The following SLC25A53 variants were observed in gnomAD, a reference collection of about 807,000 sequenced individuals.
The protein encoded by SLC25A53 is solute carrier family 25 member 53.
A neutral mutation model predicts 15.0 loss-of-function variants in SLC25A53; 5 were observed. The ratio of observed to expected loss-of-function variants is 0.33; its 90% confidence interval spans 0.17 to 0.70. The LOEUF (loss-of-function observed/expected upper bound fraction) is 0.70. Among genes scored for constraint, SLC25A53 ranks in the 30% least tolerant of loss-of-function variants. The pLI, the probability that SLC25A53 is intolerant of heterozygous loss-of-function variation, is 0.67. For missense variants in SLC25A53, 216 were observed against 241.6 expected (o/e 0.89, Z 0.70); for synonymous variants, 95 against 100.0 (o/e 0.95, Z 0.30).
At chrX:104,117,972 C>CA (rs372352091) in intron 1 of SLC25A53, among the ~76,000 whole-genome samples, 3 of 111,518 alleles carry the variant, frequency 2.7e-5, no homozygotes, top group African/African-American at 9.8e-5. Flanking sequence ...CCTTCCCCCC[C>CA]ATCCTGTCCT....
Position 104,104,430 on chromosome X carries a change from G to A in SLC25A53, c.828C>T (p.Val276=). 8.3e-7 allele frequency: 1 copy of A among 1,211,850 alleles called. No individual in the cohort carries two copies. Among genetic ancestry groups the A allele is most frequent in the Non-Finnish European group, 1.1e-6 (1 of 895,385 alleles). The part of the protein sequence containing the change: ...LLLIYRGGSL[V]ILRSSVTWGL... ...CCCATGTCACACTGGACCTTAGGAT[G>A]ACTAGGGAGCCTCCACGGTAGATCA... is the stretch of plus-strand genomic sequence containing the variant. Residue 276 remains valine, a synonymous_variant, in exon 2 of 2, where the codon GTC becomes GTT. Coordinates refer to ENST00000594199, the MANE Select transcript of SLC25A53 (RefSeq NM_001012755.5).
At chrX:104,115,465 A>T in intron 1 of SLC25A53, 1 of 544,144 alleles carries the variant, frequency 1.8e-6, no homozygotes, top group Non-Finnish European at 3.0e-6. Flanking sequence ...GGTCTTGCAT[A>T]CCAGCACAGT....
chrX:104,143,295 GAACTC>G, intron 1 of SLC25A53, among the ~76,000 whole-genome samples: 1 of 111,178 alleles, frequency 9.0e-6, no homozygotes, highest in African/African-American at 3.3e-5. Context: ...GGGTAATAAC[GAACTC>G]CTCCAAGCTA....
At position 104,100,758 on chromosome X, in the gene SLC25A53, A is replaced by G. The variant is rs1209515926; in HGVS notation, c.*3576T>C. On this transcript the variant is annotated 3_prime_UTR_variant, in exon 2 of 2. Coordinates refer to ENST00000594199, the MANE Select transcript of SLC25A53 (RefSeq NM_001012755.5). ...TATTAGCAATTTAGCTTTAAAATAT[A>G]CTCCGAGGGGAAAATACCCAAACTT... 1 of 112,290 alleles carries G rather than the reference A, an allele frequency of 8.9e-6. No homozygotes were observed. The highest frequency in any genetic ancestry group is 1.9e-5 in the Non-Finnish European group (1 of 53,317). The allele number at this position is 112,290 out of a possible 1,213,427, so 9.3% of individuals were successfully genotyped here. A position where few individuals can be genotyped will look rare whatever the true frequency, so the allele number is the denominator to read the frequency against.
intron 1 of SLC25A53, among the ~76,000 whole-genome samples, chrX:104,123,990 CT>C (rs1312627232): frequency 6.3e-5 from 7 of 111,663 alleles, no homozygotes; most frequent in Middle Eastern, 4.6e-3. Context: ...AGTTCCAAGT[CT>C]TTGCTATTGT....
At chrX:104,114,129 G>C (rs782415322) in intron 1 of SLC25A53, 37 of 1,209,742 alleles carry the variant, frequency 3.1e-5, no homozygotes, top group Non-Finnish European at 3.8e-5. Flanking sequence ...GCATCACTGC[G>C]TGTGTGGGTA....
In SLC25A53 at chrX:104,144,967, G is replaced by A. The variant is rs1190057758; in HGVS notation, c.-32+11911C>T. Reference sequence around the variant, plus strand: ...AGCTCTGGACCAAGCAGGGCTAACAGACATCTACAGAACTCTCCACCCCAA... The same window carrying A: ...AGCTCTGGACCAAGCAGGGCTAACAAACATCTACAGAACTCTCCACCCCAA... On this transcript the variant is annotated intron_variant, in intron 1 of 1. Coordinates refer to ENST00000594199, the MANE Select transcript of SLC25A53 (RefSeq NM_001012755.5). Among the ~76,000 whole-genome samples the A allele has an allele frequency of 3.6e-5, 4 of 111,869 alleles. No homozygotes were observed. The South Asian group carries it at 1.5e-3, about 42-fold the overall frequency.
chrX:104,114,984 T>C, intron 1 of SLC25A53: 1 of 1,193,104 alleles, frequency 8.4e-7, no homozygotes, highest in South Asian at 1.8e-5. Context: ...CACTGACACC[T>C]ACAGGTGCCC....
intron 1 of SLC25A53, among the ~76,000 whole-genome samples, chrX:104,133,269 C>T (rs1379146358): frequency 9.0e-6 from 1 of 111,449 alleles, no homozygotes; most frequent in Non-Finnish European, 1.9e-5. Context: ...GAAGACTGAC[C>T]CTGAGATGAC....
intron 1 of SLC25A53, chrX:104,112,036 G>C (rs2075347827): frequency 9.0e-6 from 1 of 111,668 alleles, no homozygotes; most frequent in African/African-American, 3.3e-5. Context: ...TGTACTGCCT[G>C]GGTGCTTCAG....
At chrX:104,147,461 T>C (rs782742562) in intron 1 of SLC25A53, among the ~76,000 whole-genome samples, 3 of 109,576 alleles carry the variant, frequency 2.7e-5, no homozygotes, top group South Asian at 4.0e-4. Flanking sequence ...GGATCTAATT[T>C]AACTAAAGAG....
intron 1 of SLC25A53, among the ~76,000 whole-genome samples, chrX:104,111,256 C>G (rs1447779111): frequency 2.7e-5 from 3 of 111,853 alleles, no homozygotes; most frequent in Non-Finnish European, 5.6e-5. Flanking sequence ...GGGTAAGGCC[C>G]AATAATCTAC....
At chrX:104,144,320 C>A (rs2075459554) in intron 1 of SLC25A53, among the ~76,000 whole-genome samples, 1 of 111,801 alleles carries the variant, frequency 8.9e-6, no homozygotes, top group African/African-American at 3.3e-5. Context: ...GATAAAGAGC[C>A]AAGACCCATC....
At chrX:104,144,250 T>C (rs986028696) in intron 1 of SLC25A53, among the ~76,000 whole-genome samples, 2 of 111,901 alleles carry the variant, frequency 1.8e-5, no homozygotes, top group Admixed American at 9.5e-5. Flanking sequence ...CATATAACAA[T>C]ATTAACCTTG....
intron 1 of SLC25A53, among the ~76,000 whole-genome samples, chrX:104,139,763 G>A (rs1447577042): frequency 8.1e-5 from 9 of 111,261 alleles, no homozygotes; most frequent in Admixed American, 6.6e-4. Flanking sequence ...GCAGTGAGCC[G>A]AGATTGTGCC....
In SLC25A53 at chrX:104,101,465, A is replaced by G. The variant is rs178123; in HGVS notation, c.*2869T>C. 0.37 allele frequency: 41,603 copies of G among 111,012 alleles called. 5,672 individuals carry two copies. The highest frequency in any genetic ancestry group is 0.53 in the Admixed American group (5,580 of 10,499). 9.1% of individuals were successfully genotyped at this position (111,012 alleles called of 1,213,427 possible). A position where few individuals can be genotyped will look rare whatever the true frequency, so the allele number is the denominator to read the frequency against. ...CTAGTTCCCATCCTGAAGCAACCAG[A>G]GGCTGCCAGCCATCAGTCAATTATT... On this transcript the variant is annotated 3_prime_UTR_variant, in exon 2 of 2. Transcript: ENST00000594199.
chrX:104,156,981 T>G lies in SLC25A53; in HGVS notation c.-135A>C, dbSNP rs2075503691. 1 of 111,267 alleles carries G rather than the reference T, an allele frequency of 9.0e-6. No homozygotes were observed. The highest frequency in any genetic ancestry group is 3.3e-5 in the African/African-American group (1 of 30,504). The allele number at this position is 111,267 out of a possible 1,213,427, so 9.2% of individuals were successfully genotyped here. A position where few individuals can be genotyped will look rare whatever the true frequency, so the allele number is the denominator to read the frequency against. On this transcript the variant is annotated 5_prime_UTR_variant, in exon 1 of 2. Transcript: ENST00000594199. ...CCGGACCTTCGCCCATCCGCCGCCC[T>G]CACTTAAGCGACGCACAACGGAGCT... is the stretch of plus-strand genomic sequence containing the variant.
intron 1 of SLC25A53, among the ~76,000 whole-genome samples, chrX:104,149,340 C>T (rs2075478362): frequency 8.9e-6 from 1 of 112,907 alleles, no homozygotes; most frequent in Non-Finnish European, 1.9e-5. Flanking sequence ...ATTGAGACAT[C>T]ATGGAGCAGA....
intron 1 of SLC25A53, among the ~76,000 whole-genome samples, chrX:104,149,987 C>T (rs1556370041): frequency 9.0e-6 from 1 of 110,866 alleles, no homozygotes; most frequent in Non-Finnish European, 1.9e-5. Flanking sequence ...AATCTCAATA[C>T]TTTGGGAGTC....
Sources: allele counts gnomAD v4.1 joint callset (sites outside exome capture counted in the v4.1 genomes callset), GRCh38; gene constraint gnomAD v4.1.1; transcripts MANE v1.5; gene names NCBI Gene and HGNC (gene_info 2026-07-23, HGNC 2026-07-21).